KCND2: variants seen among roughly 807,000 people sequenced by gnomAD.
KCND2 encodes the protein potassium voltage-gated channel subfamily D member 2.
A neutral mutation model predicts 54.4 loss-of-function variants in KCND2; 16 were observed. That is an observed-to-expected ratio of 0.29 (90% CI 0.20 to 0.45). The LOEUF (loss-of-function observed/expected upper bound fraction) is 0.45, where lower values mean the gene tolerates loss of function less well. Ranked by LOEUF, KCND2 falls within the 20% of genes least tolerant of loss-of-function variation. KCND2 has a pLI of 1.00. For synonymous variants in KCND2, 317 were observed against 310.7 expected (o/e 1.02, Z -0.21); for missense variants, 486 against 824.2 (o/e 0.59, Z 5.02).
intron 3 of KCND2, among the ~76,000 whole-genome samples, chr7:120,741,867 C>T (rs1792945549): frequency 6.6e-6 from 1 of 151,636 alleles, no homozygotes; most frequent in African/African-American, 2.4e-5. Context: ...CATCATTGGG[C>T]AATATTTCTA....
At chr7:120,474,925 C>T (rs1474096281) in intron 1 of KCND2, among the ~76,000 whole-genome samples, 7 of 152,082 alleles carry the variant, frequency 4.6e-5, no homozygotes, top group South Asian at 2.1e-4. Flanking sequence ...ATGTTGCCTC[C>T]GAACTCCTGG....
chr7:120,594,887 G>A (rs1293616834), intron 1 of KCND2, among the ~76,000 whole-genome samples: 1 of 151,988 alleles, frequency 6.6e-6, no homozygotes, highest in Non-Finnish European at 1.5e-5. Context: ...GGGCATGGTA[G>A]CGTGTGCCTC....
In KCND2 at chr7:120,749,979, A is replaced by C. The variant is rs1793052036; in HGVS notation, c.*2121A>C. 1 of 151,960 alleles carries C rather than the reference A, an allele frequency of 6.6e-6. No homozygotes were observed. Among genetic ancestry groups the C allele is most frequent in the South Asian group, 2.1e-4 (1 of 4,824 alleles). 9.4% of individuals were successfully genotyped at this position (151,960 alleles called of 1,614,324 possible). ...ATATTACATACAAGAAAATGCAGTT[A>C]GGTTATTTCAATTGACAATTCTGCC... On this transcript the variant is annotated 3_prime_UTR_variant, in exon 6 of 6. Transcript: ENST00000331113.
chr7:120,519,899 T>C (rs1405911611), intron 1 of KCND2, among the ~76,000 whole-genome samples: 1 of 152,252 alleles, frequency 6.6e-6, no homozygotes, highest in Non-Finnish European at 1.5e-5. Flanking sequence ...TAATGTAATA[T>C]TTATGCAATC....
intron 1 of KCND2, among the ~76,000 whole-genome samples, chr7:120,441,904 G>A (rs1268021313): frequency 6.6e-6 from 1 of 152,068 alleles, no homozygotes; most frequent in East Asian, 1.9e-4. Flanking sequence ...TTGGCAGCCA[G>A]CTAATATCCA....
chr7:120,511,641 T>G lies in KCND2; in HGVS notation c.1116-221262T>G, dbSNP rs190169019. Among the ~76,000 whole-genome samples the G allele has an allele frequency of 2.0e-5, 3 of 152,270 alleles. No individual in the cohort carries two copies. The East Asian group carries it at 5.8e-4, about 29-fold the overall frequency. ...ATTTTCTGCAGGGGAAAGAATGTTGTTTTAGATTCTAACTGTGCCACATTT... is the reference window on the plus strand; with the variant it reads ...ATTTTCTGCAGGGGAAAGAATGTTGGTTTAGATTCTAACTGTGCCACATTT... On this transcript the variant is annotated intron_variant, in intron 1 of 5. Coordinates refer to ENST00000331113, the MANE Select transcript of KCND2 (RefSeq NM_012281.3).
intron 1 of KCND2, among the ~76,000 whole-genome samples, chr7:120,620,209 C>A (rs1465556308): frequency 6.6e-6 from 1 of 151,594 alleles, no homozygotes; most frequent in Non-Finnish European, 1.5e-5. Context: ...CATTCATTCT[C>A]TCATATGAAA....
At position 120,414,342 on chromosome 7, in the gene KCND2, A is replaced by G. The variant is rs575352168; in HGVS notation, c.1115+138595A>G. ...AGATTGTTCCAAAAAATTTTCAGTCAACTGTCAAAAAGTAATTACCAATTG... is the reference window on the plus strand; with the variant it reads ...AGATTGTTCCAAAAAATTTTCAGTCGACTGTCAAAAAGTAATTACCAATTG... On this transcript the variant is annotated intron_variant, in intron 1 of 5. Coordinates refer to ENST00000331113, the MANE Select transcript of KCND2 (RefSeq NM_012281.3). Among the ~76,000 whole-genome samples, 15 of 152,290 alleles carry G rather than the reference A, an allele frequency of 9.8e-5. No individual in the cohort carries two copies. The South Asian group carries it at 2.9e-3, about 29-fold the overall frequency.
chr7:120,362,780 A>G (rs961847404), intron 1 of KCND2, among the ~76,000 whole-genome samples: 1 of 152,094 alleles, frequency 6.6e-6, no homozygotes, highest in Admixed American at 6.6e-5. Context: ...GCTTCCTTCT[A>G]GCATCCGTTC....
intron 1 of KCND2, among the ~76,000 whole-genome samples, chr7:120,573,297 G>A (rs1191307183): frequency 6.6e-6 from 1 of 152,124 alleles, no homozygotes; most frequent in South Asian, 2.1e-4. Flanking sequence ...TTAACAATCA[G>A]ATTTCAGATG....
chr7:120,464,092 C>G (rs1802330889), intron 1 of KCND2: 1 of 981,798 alleles, frequency 1.0e-6, no homozygotes. Flanking sequence ...CAAAGCACAT[C>G]ACAGGATTGC....
intron 1 of KCND2, among the ~76,000 whole-genome samples, chr7:120,489,248 A>G (rs1012101490): frequency 2.0e-5 from 3 of 152,086 alleles, no homozygotes; most frequent in Admixed American, 6.6e-5. Context: ...TTATAACTCT[A>G]TAAGTGAACA....
At chr7:120,674,337 A>G (rs1047274773) in intron 1 of KCND2, among the ~76,000 whole-genome samples, 2 of 152,162 alleles carry the variant, frequency 1.3e-5, no homozygotes, top group Non-Finnish European at 1.5e-5. Context: ...ACCTTTGTGT[A>G]TATTAGTTCC....
At chr7:120,512,740 T>TA (rs1803138011) in intron 1 of KCND2, among the ~76,000 whole-genome samples, 2 of 151,926 alleles carry the variant, frequency 1.3e-5, no homozygotes, top group Admixed American at 6.6e-5. Flanking sequence ...GCAGGGAAGA[T>TA]AGAGTCTGTC....
intron 1 of KCND2, among the ~76,000 whole-genome samples, chr7:120,629,335 A>G (rs1157989782): frequency 6.6e-6 from 1 of 152,132 alleles, no homozygotes; most frequent in Non-Finnish European, 1.5e-5. Context: ...AAATACAAAA[A>G]ATTAGCCGGG....
chr7:120,541,981 C>A (rs925045995), intron 1 of KCND2, among the ~76,000 whole-genome samples: 21 of 152,092 alleles, frequency 1.4e-4, no homozygotes, highest in Non-Finnish European at 2.9e-5. Flanking sequence ...AACCATTTTA[C>A]AGTCATTTAT....
At chr7:120,543,362 A>G (rs1334715301) in intron 1 of KCND2, among the ~76,000 whole-genome samples, 2 of 151,550 alleles carry the variant, frequency 1.3e-5, no homozygotes, top group Admixed American at 6.6e-5. Flanking sequence ...CTGCGTGTCG[A>G]TTTTCCAATT....
chr7:120,626,463 A>G (rs1434187694), intron 1 of KCND2, among the ~76,000 whole-genome samples: 3 of 152,168 alleles, frequency 2.0e-5, no homozygotes, highest in Admixed American at 6.5e-5. Flanking sequence ...GTTGGTACTC[A>G]CCAAAATGAT....
intron 1 of KCND2, among the ~76,000 whole-genome samples, chr7:120,577,746 C>T (rs575751504): frequency 3.3e-5 from 5 of 152,144 alleles, no homozygotes; most frequent in South Asian, 4.2e-4. Context: ...TCACCACGCC[C>T]GGCTAATTTT....
Sources: allele counts gnomAD v4.1 joint callset (sites outside exome capture counted in the v4.1 genomes callset), GRCh38; gene constraint gnomAD v4.1.1; transcripts MANE v1.5; gene names NCBI Gene and HGNC (gene_info 2026-07-23, HGNC 2026-07-21).